ABCA10: variants seen among roughly 807,000 people sequenced by gnomAD.
ABCA10 encodes ATP-binding cassette sub-family A member 10.
Under a neutral mutation model 187.5 loss-of-function variants are expected in ABCA10, and 169 were observed. The observed-to-expected ratio is 0.90, with a 90% confidence interval of 0.80 to 1.02. The LOEUF is 1.02. Among genes scored for constraint, ABCA10 ranks in the 50% least tolerant of loss-of-function variants. The pLI, the probability that ABCA10 is intolerant of heterozygous loss-of-function variation, is 0.00. For missense variants in ABCA10, 1,727 were observed against 1,812.4 expected (o/e 0.95, Z 0.86); for synonymous variants, 574 against 601.8 (o/e 0.95, Z 0.68).
chr17:69,200,798 C>T (rs2074537822), intron 10 of ABCA10, among the ~76,000 whole-genome samples: 1 of 152,222 alleles, frequency 6.6e-6, no homozygotes, highest in Non-Finnish European at 1.5e-5. Context: ...CTGCAAACTC[C>T]ACCTCTTGGG....
chr17:69,153,566 T>TTA lies in ABCA10; in HGVS notation c.3966-22_3966-21dup. On this transcript the variant is annotated intron_variant, in intron 32 of 38. Transcript: ENST00000690296. ...ACCAATCTGACAAAAAACAGTGTGA[T>TTA]TATACATGAAGTATATGGCAAATGG... is the stretch of plus-strand genomic sequence containing the variant. 6.2e-7 allele frequency: 1 copy of TTA among 1,613,818 alleles called. No individual in the cohort carries two copies. Among genetic ancestry groups the TTA allele is most frequent in the Non-Finnish European group, 8.5e-7 (1 of 1,179,808 alleles).
chr17:69,237,584 C>T (rs947108397), intron 1 of ABCA10, among the ~76,000 whole-genome samples: 1 of 152,160 alleles, frequency 6.6e-6, no homozygotes, highest in African/African-American at 2.4e-5. Context: ...TTCCCATTCC[C>T]TCTCCCAAAA....
Position 69,194,417 on chromosome 17 carries a change from T to C in ABCA10, c.1313A>G (p.Asn438Ser). Residue 438 changes from asparagine to serine, a missense_variant, in exon 12 of 39, where the codon AAC (asparagine) becomes AGC (serine). By Grantham distance (46) the Asn-to-Ser change is conservative (BLOSUM62 1). Transcript: ENST00000690296. ...HNGAGKSTLL[N>S]ILSGLSVSTE... ...AGAAACAGACAATCCACTAAGAATGTTTAGCAGTGTTGATTTACCAGCTCC... is the reference window on the plus strand; with the variant it reads ...AGAAACAGACAATCCACTAAGAATGCTTAGCAGTGTTGATTTACCAGCTCC... The C allele has an allele frequency of 6.2e-7, 1 of 1,612,938 alleles. No individual in the cohort carries two copies. The highest frequency in any genetic ancestry group is 1.1e-5 in the South Asian group (1 of 91,008).
intron 23 of ABCA10, 91 bp downstream of exon 23, chr17:69,175,315 G>A (rs2074326204): frequency 9.2e-7 from 1 of 1,089,756 alleles, no homozygotes; most frequent in Admixed American, 2.5e-5. Context: ...ATTAACCAAA[G>A]TACAACTGTG....
At chr17:69,156,971 C>T in intron 27 of ABCA10, 48 bp from the exon 28 acceptor site, 1 of 1,115,632 alleles carries the variant, frequency 9.0e-7, no homozygotes, top group Non-Finnish European at 1.3e-6. Flanking sequence ...ATGGCATTCA[C>T]ACTCAATGGT....
Position 69,152,499 on chromosome 17 carries a change from G to C in ABCA10, c.4137-18C>G. The C allele has an allele frequency of 6.3e-7, 1 of 1,588,382 alleles. No homozygotes were observed. Among genetic ancestry groups the C allele is most frequent in the African/African-American group, 1.4e-5 (1 of 73,686 alleles). The stretch of plus-strand genomic sequence containing the variant: ...GTATCTGCCTAAAGATAAAGTAAGG[G>C]ATTGTTTGCATTTAGAAAGTAATTT... On this transcript the variant is annotated intron_variant, in intron 34 of 38. Coordinates refer to ENST00000690296, the MANE Select transcript of ABCA10 (RefSeq NM_001377321.1).
chr17:69,186,281 G>GA (rs561783202), intron 19 of ABCA10, among the ~76,000 whole-genome samples: 94 of 147,070 alleles, frequency 6.4e-4, no homozygotes, highest in South Asian at 2.8e-3. Flanking sequence ...ATATTTCATA[G>GA]AAAAAAAAAA....
At chr17:69,170,130 A>G (rs2074286335) in intron 25 of ABCA10, among the ~76,000 whole-genome samples, 2 of 151,980 alleles carry the variant, frequency 1.3e-5, no homozygotes, top group Non-Finnish European at 2.9e-5. Flanking sequence ...TTTATTAAAA[A>G]TAAAAAATTT....
chr17:69,163,127 G>C (rs950534385), intron 27 of ABCA10, among the ~76,000 whole-genome samples: 1 of 152,076 alleles, frequency 6.6e-6, no homozygotes, highest in African/African-American at 2.4e-5. Context: ...GTGAGTCACT[G>C]CGCCTGGCCA....
rs1453611474 is a variant in ABCA10, at chr17:69,150,026, C to A, written c.4435G>T (p.Asp1479Tyr). Residue 1479 changes from aspartate to tyrosine, a missense_variant, in exon 37 of 39, where the codon GAT (aspartate) becomes TAT (tyrosine). Asp to Tyr is a radical substitution (Grantham distance 160, BLOSUM62 -3). Coordinates refer to ENST00000690296, the MANE Select transcript of ABCA10 (RefSeq NM_001377321.1). ...SLMAYKLPVE[D>Y]VHPLSRAFFK... ...AAGGCCCGAGATAGAGGGTGGACAT[C>A]CTCCACAGGTAACTTATACGCCATT... 2.5e-6 allele frequency: 4 copies of A among 1,613,096 alleles called. No homozygotes were observed. Among genetic ancestry groups the A allele is most frequent in the Non-Finnish European group, 2.5e-6 (3 of 1,179,468 alleles).
At chr17:69,179,455 G>A (rs1226590217) in intron 22 of ABCA10, among the ~76,000 whole-genome samples, 2 of 152,202 alleles carry the variant, frequency 1.3e-5, no homozygotes, top group Admixed American at 1.3e-4. Context: ...GCTCTGTGCA[G>A]GGTGAAAGGC....
chr17:69,194,719 T>A (rs938278994), intron 11 of ABCA10, among the ~76,000 whole-genome samples: 1 of 152,218 alleles, frequency 6.6e-6, no homozygotes, highest in African/African-American at 2.4e-5. Context: ...TCTACCCTCT[T>A]GCTTCCTTCA....
chr17:69,243,704 C>T (rs1466189339), intron 1 of ABCA10, among the ~76,000 whole-genome samples: 3 of 152,142 alleles, frequency 2.0e-5, no homozygotes, highest in Non-Finnish European at 4.4e-5. Context: ...TTGAGACCAG[C>T]CTGGGCAACA....
intron 13 of ABCA10, 91 bp downstream of exon 13, chr17:69,193,723 T>A (rs2074478680): frequency 6.4e-7 from 1 of 1,554,760 alleles, no homozygotes; most frequent in Non-Finnish European, 8.7e-7. Flanking sequence ...AAGCTTTACC[T>A]ATCAAAGAGT....
chr17:69,210,009 G>A (rs1376391303), intron 9 of ABCA10, among the ~76,000 whole-genome samples: 2 of 151,678 alleles, frequency 1.3e-5, no homozygotes, highest in Non-Finnish European at 2.9e-5. Flanking sequence ...TAGGTTTTAG[G>A]ATTATATGTG....
rs564324204 is a variant in ABCA10, at chr17:69,153,589, T to C, written c.3966-43A>G. On this transcript the variant is annotated intron_variant, in intron 32 of 38. Transcript: ENST00000690296. ...GATTATACATGAAGTATATGGCAAA[T>C]GGACCTATCTAAAACAACTGTAGGA... is the stretch of plus-strand genomic sequence containing the variant. 3.1e-5 allele frequency: 50 copies of C among 1,606,746 alleles called. No individual in the cohort carries two copies. In the South Asian group the frequency reaches 5.3e-4, roughly 17 times the overall value.
chr17:69,192,809 A>G (rs1264337970), intron 15 of ABCA10, among the ~76,000 whole-genome samples, 156 bp from the exon 16 acceptor site: 1 of 152,194 alleles, frequency 6.6e-6, no homozygotes, highest in Non-Finnish European at 1.5e-5. Flanking sequence ...TCTAATCCCC[A>G]TGCCTATTGT....
chr17:69,223,588 TTA>T, intron 3 of ABCA10: 1 of 383,970 alleles, frequency 2.6e-6, no homozygotes. Flanking sequence ...GAAATCTACA[TTA>T]AGATGAAAAA....
chr17:69,215,606 T>C, intron 8 of ABCA10: 1 of 450,056 alleles, frequency 2.2e-6, no homozygotes, highest in Admixed American at 4.4e-5. Flanking sequence ...ATTTTTCTTC[T>C]TTAAATTTGC....
Sources: gnomAD v4.1 joint callset for allele counts (sites outside exome capture counted in the v4.1 genomes callset) on GRCh38, gnomAD v4.1.1 for gene constraint, MANE v1.5 for transcripts, NCBI Gene and HGNC (gene_info 2026-07-23, HGNC 2026-07-21) for gene names.